Variants in DLGAP4 observed in about 807,000 individuals in gnomAD.
The protein encoded by DLGAP4 is disks large-associated protein 4.
DLGAP4 carries 18 observed loss-of-function variants against 86.9 expected under a neutral mutation model. That is an observed-to-expected ratio of 0.21 (90% confidence interval 0.14 to 0.31). The LOEUF (loss-of-function observed/expected upper bound fraction) is 0.31, where lower values mean the gene tolerates loss of function less well. Ranked by LOEUF, DLGAP4 falls within the 10% of genes least tolerant of loss-of-function variation. The pLI, the probability that DLGAP4 is intolerant of heterozygous loss-of-function variation, is 1.00. For missense variants in DLGAP4, 1,085 were observed against 1,362.6 expected, an observed-to-expected ratio of 0.80 and a Z score of 3.21; for synonymous variants, 548 against 574.3, an observed-to-expected ratio of 0.95 and a Z score of 0.65.
At chr20:36,413,994 G>T (rs542964033) in intron 2 of DLGAP4, among the ~76,000 whole-genome samples, 29 of 152,242 alleles carry the variant, frequency 1.9e-4, no homozygotes, top group African/African-American at 6.0e-4. Flanking sequence ...GTCAAATAGG[G>T]TCCAGACCTG....
intron 7 of DLGAP4, among the ~76,000 whole-genome samples, chr20:36,481,001 CA>C (rs112655095): frequency 3.1e-4 from 45 of 147,298 alleles, no homozygotes; most frequent in African/African-American, 1.1e-3. Context: ...GAGACTGTCT[CA>C]AAAAAAAAAT....
At chr20:36,525,788 G>A in intron 11 of DLGAP4, 63 bp from the exon 12 acceptor site, 1 of 1,596,220 alleles carries the variant, frequency 6.3e-7, no homozygotes, top group Admixed American at 1.7e-5. Context: ...CTTGTTGGGG[G>A]GTTGGGGGGA....
At chr20:36,438,503 T>C (rs2033350580) in intron 4 of DLGAP4, among the ~76,000 whole-genome samples, 1 of 150,528 alleles carries the variant, frequency 6.6e-6, no homozygotes, top group Admixed American at 6.7e-5. Context: ...TGGATGACCT[T>C]CGCCAGTCTT....
At position 36,436,112 on chromosome 20, in the gene DLGAP4, C is replaced by A; in HGVS notation, c.1003C>A (p.Pro335Thr). The part of the protein sequence containing the change: ...QGLAYHYLQV[P>T]GGGGEWSTTL... ...GAGTCCTGTGCCCCATCCCCAGGTG[C>A]CCGGCGGCGGCGGCGAGTGGAGCAC... The change falls in exon 4 of 13, where the codon CCC becomes ACC. Residue 335 changes from proline (P) to threonine (T), a missense_variant. By Grantham distance (38) the Pro-to-Thr change is conservative. Coordinates refer to ENST00000339266, the MANE Select transcript of DLGAP4 (RefSeq NM_001365621.2). The A allele has an allele frequency of 6.4e-7, 1 of 1,567,922 alleles. No individual in the cohort carries two copies. Among genetic ancestry groups the A allele is most frequent in the Non-Finnish European group, 8.6e-7 (1 of 1,164,314 alleles).
intron 10 of DLGAP4, among the ~76,000 whole-genome samples, chr20:36,516,070 G>A (rs1015851603): frequency 6.7e-6 from 1 of 148,818 alleles, no homozygotes; most frequent in Non-Finnish European, 1.5e-5. Context: ...CAGCAAAGGA[G>A]AACAGCTGGC....
At chr20:36,328,173 C>T (rs375892215) in intron 1 of DLGAP4, among the ~76,000 whole-genome samples, 7 of 151,396 alleles carry the variant, frequency 4.6e-5, no homozygotes, top group Middle Eastern at 3.4e-3. Context: ...CATTCCAGCC[C>T]GGACAACAGA....
chr20:36,331,961 G>A (rs1273246058), intron 1 of DLGAP4, among the ~76,000 whole-genome samples: 2 of 151,896 alleles, frequency 1.3e-5, no homozygotes, highest in Non-Finnish European at 2.9e-5. Context: ...TTCAGATGCG[G>A]CTGGAAAAGA....
intron 1 of DLGAP4, among the ~76,000 whole-genome samples, chr20:36,352,474 G>A (rs1481698259): frequency 2.6e-5 from 4 of 152,022 alleles, no homozygotes; most frequent in South Asian, 2.1e-4. Flanking sequence ...GGGGAGGGCC[G>A]GCTGGATTCT....
chr20:36,450,509 G>C (rs1364549655), intron 7 of DLGAP4, among the ~76,000 whole-genome samples: 2 of 148,882 alleles, frequency 1.3e-5, no homozygotes, highest in African/African-American at 5.2e-5. Context: ...AAAAAAAAAA[G>C]AATCAGGGTC....
In DLGAP4 at chr20:36,431,609, G is replaced by T. The variant is rs1477882970; in HGVS notation, c.-72-37G>T. On this transcript the variant is annotated intron_variant, in intron 2 of 12. Coordinates refer to ENST00000339266, the MANE Select transcript of DLGAP4 (RefSeq NM_001365621.2). This position sits in a 1 kb window ranked among gnomAD's most constrained non-coding sequence, Gnocchi z 5.1. ...CCCGGCACCCCTCCCCGACAATCCAGCTGACCAGCTGACCGCTTTCTGTCT... is the reference window on the plus strand; with the variant it reads ...CCCGGCACCCCTCCCCGACAATCCATCTGACCAGCTGACCGCTTTCTGTCT... 16 of 1,292,922 alleles carry T rather than the reference G, an allele frequency of 1.2e-5. No individual in the cohort carries two copies. Among genetic ancestry groups the T allele is most frequent in the Middle Eastern group, 2.5e-4 (1 of 4,006 alleles). The allele number at this position is 1,292,922 out of a possible 1,614,324, so 80.1% of individuals were successfully genotyped here.
chr20:36,323,546 A>G (rs1288418548), intron 1 of DLGAP4, among the ~76,000 whole-genome samples: 1 of 152,204 alleles, frequency 6.6e-6, no homozygotes, highest in Non-Finnish European at 1.5e-5. Flanking sequence ...CTATATGGAT[A>G]GTGCTGCTTT....
intron 10 of DLGAP4, among the ~76,000 whole-genome samples, chr20:36,520,619 T>A (rs1003001402): frequency 2.0e-5 from 3 of 152,222 alleles, no homozygotes; most frequent in Admixed American, 1.3e-4. Context: ...AGGGCTAGGA[T>A]TATAGGCATA....
rs2065026625 is a variant in DLGAP4 at position 36,308,610 on chromosome 20, G to A, written c.-304+2098G>A. Among the ~76,000 whole-genome samples, 3 of 152,104 alleles carry A rather than the reference G, an allele frequency of 2.0e-5. No individual in the cohort carries two copies. The highest frequency in any genetic ancestry group is 2.1e-4 in the South Asian group (1 of 4,822). On this transcript the variant is annotated intron_variant, in intron 1 of 12. Transcript: ENST00000339266. The surrounding 1 kb of genome is among the most constrained non-coding windows in gnomAD (Gnocchi z 4.5). ...GAGACGCTGACGTATCGGATGTATC[G>A]GGGCACCCACTGACATCTCATTAGG...
chr20:36,400,116 A>G (rs983967491), intron 2 of DLGAP4, among the ~76,000 whole-genome samples: 3 of 152,230 alleles, frequency 2.0e-5, no homozygotes, highest in African/African-American at 7.2e-5. Flanking sequence ...GACCCTCACT[A>G]TATTTTGTAT....
At position 36,528,114 on chromosome 20, in the gene DLGAP4, T is replaced by C. The variant is rs1364161892; in HGVS notation, c.*1083T>C. The C allele has an allele frequency of 6.6e-6, 1 of 152,336 alleles. No individual in the cohort carries two copies. The highest frequency in any genetic ancestry group is 1.5e-5 in the Non-Finnish European group (1 of 68,014). 9.4% of individuals were successfully genotyped at this position (152,336 alleles called of 1,614,324 possible). On this transcript the variant is annotated 3_prime_UTR_variant, in exon 13 of 13. Coordinates refer to ENST00000339266, the MANE Select transcript of DLGAP4 (RefSeq NM_001365621.2). Reference sequence around the variant, plus strand: ...GTGTGTACAAGTGTGTGTAAAAATATATACCTTGTGTGTAAGCAGCCCTTT... The same window carrying C: ...GTGTGTACAAGTGTGTGTAAAAATACATACCTTGTGTGTAAGCAGCCCTTT...
chr20:36,405,619 C>T (rs1031209739), intron 2 of DLGAP4, among the ~76,000 whole-genome samples: 5 of 151,948 alleles, frequency 3.3e-5, no homozygotes, highest in African/African-American at 1.2e-4. Context: ...GAGGCTGGAG[C>T]GGGCTGGGGA....
intron 7 of DLGAP4, chr20:36,461,431 G>A: frequency 1.1e-6 from 1 of 924,722 alleles, no homozygotes; most frequent in Non-Finnish European, 1.2e-6. Flanking sequence ...GGGCGGGGCA[G>A]GTGCGGGACT....
intron 8 of DLGAP4, chr20:36,499,354 A>AACCCC: frequency 1.9e-6 from 2 of 1,072,068 alleles, no homozygotes; most frequent in Non-Finnish European, 2.4e-6. Flanking sequence ...ACCCCATCCC[A>AACCCC]CCTCCCGCCC....
intron 7 of DLGAP4, among the ~76,000 whole-genome samples, chr20:36,481,984 GA>G (rs376324829): frequency 2.3e-4 from 35 of 152,014 alleles, no homozygotes; most frequent in Non-Finnish European, 4.6e-4. Context: ...AGCTCTGAGG[GA>G]AAAAAAATCC....
Sources: allele counts gnomAD v4.1 joint callset (sites outside exome capture counted in the v4.1 genomes callset), GRCh38; gene constraint gnomAD v4.1.1; non-coding constraint Gnocchi (gnomAD v3.1); transcripts MANE v1.5; gene names NCBI Gene and HGNC (gene_info 2026-07-23, HGNC 2026-07-21).